The following EPM2A variants were observed in gnomAD, a reference collection of about 807,000 sequenced individuals.
EPM2A encodes the protein EPM2A glucan phosphatase, laforin.
Under a neutral mutation model 26.5 loss-of-function variants are expected in EPM2A, and 21 were observed. The observed-to-expected ratio is 0.79, with a 90% CI of 0.56 to 1.14. EPM2A has a LOEUF of 1.14. EPM2A is among the 50% of genes most tolerant of loss of function. EPM2A has a pLI of 0.00. For missense variants in EPM2A, 458 were observed against 440.8 expected (o/e 1.04, Z -0.35); for synonymous variants, 217 against 177.6 (o/e 1.22, Z -1.76).
intron 4 of EPM2A, among the ~76,000 whole-genome samples, chr6:145,432,781 C>G (rs1181370608): frequency 6.6e-6 from 1 of 152,182 alleles, no homozygotes; most frequent in Admixed American, 6.5e-5. Context: ...GTGATTTCAT[C>G]TACATTGAAA....
chr6:145,405,280 G>T (rs1271023196), intron 4 of EPM2A, among the ~76,000 whole-genome samples: 1 of 152,130 alleles, frequency 6.6e-6, no homozygotes, highest in Non-Finnish European at 1.5e-5. Context: ...AACACACAGT[G>T]GCTCATTGTG....
intron 2 of EPM2A, among the ~76,000 whole-genome samples, chr6:145,535,908 A>G (rs1281676360): frequency 1.3e-5 from 2 of 152,266 alleles, no homozygotes; most frequent in East Asian, 1.9e-4. Context: ...CTCTGCCTGA[A>G]GCCCTGCTTT....
Position 145,437,525 on chromosome 6 carries a change from C to T in EPM2A, c.556-53428G>A, listed in dbSNP as rs187525723. On this transcript the variant is annotated intron_variant, in intron 4 of 4. Transcript: ENST00000638717. The stretch of plus-strand genomic sequence containing the variant: ...TATTTGATTTCTCAATAAGAAAATA[C>T]GCTGATCAAAATTTTCACCAAGAAT... Among the ~76,000 whole-genome samples, 6 of 152,252 alleles carry T rather than the reference C, an allele frequency of 3.9e-5. No individual in the cohort carries two copies. The East Asian group carries it at 5.8e-4, about 15-fold the overall frequency.
intron 2 of EPM2A, among the ~76,000 whole-genome samples, chr6:145,596,712 T>C (rs1281444549): frequency 1.3e-5 from 2 of 152,098 alleles, no homozygotes; most frequent in Non-Finnish European, 2.9e-5. Context: ...TTTTCTACTC[T>C]GTCACACTGA....
intron 2 of EPM2A, among the ~76,000 whole-genome samples, chr6:145,647,418 A>G (rs1031161032): frequency 6.6e-5 from 10 of 152,146 alleles, no homozygotes; most frequent in South Asian, 6.2e-4. Flanking sequence ...TTGATCTCCA[A>G]TAGGCTCACT....
chr6:145,704,463 T>C (rs1782103815), intron 1 of EPM2A, among the ~76,000 whole-genome samples: 1 of 152,190 alleles, frequency 6.6e-6, no homozygotes, highest in South Asian at 2.1e-4. Flanking sequence ...AATAATAGAG[T>C]TTAATAATTT....
chr6:145,613,449 T>G (rs945493741), intron 2 of EPM2A, among the ~76,000 whole-genome samples: 1 of 152,232 alleles, frequency 6.6e-6, no homozygotes. Context: ...ATAAATGTTC[T>G]TAATGGCATC....
intron 2 of EPM2A, among the ~76,000 whole-genome samples, chr6:145,673,494 AG>A (rs1779801917): frequency 6.6e-6 from 1 of 152,186 alleles, no homozygotes; most frequent in South Asian, 2.1e-4. Flanking sequence ...AGGAAGTGCA[AG>A]GGGTAGGGGG....
chr6:145,593,968 A>G (rs1781308216), intron 2 of EPM2A, among the ~76,000 whole-genome samples: 1 of 151,848 alleles, frequency 6.6e-6, no homozygotes, highest in Non-Finnish European at 1.5e-5. Context: ...AAAAACAACA[A>G]AAGCTGATTC....
chr6:145,428,735 G>T (rs80091589), intron 4 of EPM2A, among the ~76,000 whole-genome samples: 1 of 152,230 alleles, frequency 6.6e-6, no homozygotes, highest in East Asian at 1.9e-4. Context: ...TGGTGAGGTA[G>T]AAAAGATACT....
intron 2 of EPM2A, among the ~76,000 whole-genome samples, chr6:145,645,465 G>T (rs563861174): frequency 1.3e-5 from 2 of 152,158 alleles, no homozygotes; most frequent in African/African-American, 4.8e-5. Flanking sequence ...ACAATGCCCA[G>T]GTAATTTCTT....
In EPM2A at chr6:145,510,288, C is replaced by T. The variant is rs376589501; in HGVS notation, c.341-7713G>A. 6.9e-4 allele frequency among the ~76,000 whole-genome samples: 105 copies of T among 152,274 alleles called. 1 individual carries two copies. Among genetic ancestry groups the T allele is most frequent in the African/African-American group, 2.4e-5 (1 of 41,576 alleles). Reference sequence around the variant, plus strand: ...CTGCACCCAACAACCACAGAATATACATTCTTCTCATCTGCATATGGAACA... The same window carrying T: ...CTGCACCCAACAACCACAGAATATATATTCTTCTCATCTGCATATGGAACA... On this transcript the variant is annotated intron_variant, in intron 2 of 3. Coordinates refer to the EPM2A transcript ENST00000450221.
intron 4 of EPM2A, among the ~76,000 whole-genome samples, chr6:145,409,412 T>C (rs1361487613): frequency 6.6e-6 from 1 of 152,178 alleles, no homozygotes; most frequent in Admixed American, 6.6e-5. Flanking sequence ...AGCATCTTAG[T>C]AGAAGTCAAT....
chr6:145,395,162 T>C (rs1027074313), intron 4 of EPM2A, among the ~76,000 whole-genome samples: 36 of 152,154 alleles, frequency 2.4e-4, no homozygotes, highest in African/African-American at 8.2e-4. Flanking sequence ...GGAGGGCTTC[T>C]GGGACTTACT....
intron 4 of EPM2A, among the ~76,000 whole-genome samples, chr6:145,467,322 T>C (rs879393430): frequency 6.6e-6 from 1 of 152,150 alleles, no homozygotes; most frequent in Non-Finnish European, 1.5e-5. Flanking sequence ...GTCCCACTAC[T>C]ATTTATTAAA....
At chr6:145,676,718 G>C (rs565932563) in intron 2 of EPM2A, among the ~76,000 whole-genome samples, 25 of 152,258 alleles carry the variant, frequency 1.6e-4, no homozygotes, top group African/African-American at 6.0e-4. Context: ...ACCCTCCCAA[G>C]ATTAAACCAG....
intron 2 of EPM2A, among the ~76,000 whole-genome samples, chr6:145,685,522 A>C (rs1383586405): frequency 1.3e-5 from 2 of 152,182 alleles, no homozygotes; most frequent in Admixed American, 6.6e-5. Context: ...TTTAAGGTTT[A>C]GATTTAATCT....
intron 2 of EPM2A, among the ~76,000 whole-genome samples, chr6:145,522,278 T>C (rs1347947444): frequency 6.6e-6 from 1 of 152,164 alleles, no homozygotes; most frequent in African/African-American, 2.4e-5. Context: ...TATAACTTTC[T>C]GTCTACACAT....
chr6:145,397,363 C>T (rs912239000), intron 4 of EPM2A, among the ~76,000 whole-genome samples: 1 of 152,092 alleles, frequency 6.6e-6, no homozygotes, highest in African/African-American at 2.4e-5. Context: ...ACTGCTTGAG[C>T]CCAGGAGTTT....
Sources: gnomAD v4.1 joint callset for allele counts (sites outside exome capture counted in the v4.1 genomes callset) on GRCh38, gnomAD v4.1.1 for gene constraint, MANE v1.5 for transcripts, NCBI Gene and HGNC (gene_info 2026-07-23, HGNC 2026-07-21) for gene names.